Variants in PADI4 observed in about 807,000 individuals in gnomAD.
PADI4 encodes the protein protein-arginine deiminase type-4.
PADI4 carries 62 observed loss-of-function variants against 75.0 expected under a neutral mutation model. That is an observed-to-expected ratio of 0.83 (90% CI 0.67 to 1.02). PADI4 has a LOEUF of 1.02. Among genes scored for constraint, PADI4 ranks in the 50% least tolerant of loss-of-function variants. The pLI is 0.00. For synonymous variants in PADI4, 361 were observed against 348.1 expected (o/e 1.04, Z -0.41); for missense variants, 845 against 850.5 (o/e 0.99, Z 0.08).
chr1:17,347,057 C>A lies in PADI4; in HGVS notation c.1048-884C>A, dbSNP rs556728937. Reference sequence around the variant, plus strand: ...GGTTCAAATGATTCTCCTGCCTCAGCCTCCTGAGTAGCTGTAATTACAGGC... The same window carrying A: ...GGTTCAAATGATTCTCCTGCCTCAGACTCCTGAGTAGCTGTAATTACAGGC... On this transcript the variant is annotated intron_variant, in intron 9 of 15. Coordinates refer to ENST00000375448, the MANE Select transcript of PADI4 (RefSeq NM_012387.3). Among the ~76,000 whole-genome samples the A allele has an allele frequency of 7.9e-5, 12 of 152,214 alleles. No homozygotes were observed. The East Asian group carries it at 2.1e-3, about 27-fold the overall frequency.
intron 2 of PADI4, 83 bp downstream of exon 2, chr1:17,331,232 G>A: frequency 8.2e-7 from 1 of 1,214,856 alleles, no homozygotes; most frequent in Non-Finnish European, 1.2e-6. Context: ...GTGATCCACA[G>A]CACCAGCCTG....
intron 2 of PADI4, among the ~76,000 whole-genome samples, chr1:17,333,629 C>A (rs1293226678): frequency 1.3e-5 from 2 of 151,872 alleles, no homozygotes; most frequent in South Asian, 4.2e-4. Flanking sequence ...GCCTCTTCTG[C>A]CCCATCTCCA....
intron 1 of PADI4, among the ~76,000 whole-genome samples, chr1:17,311,727 G>C (rs56024211): frequency 6.6e-6 from 1 of 151,874 alleles, no homozygotes; most frequent in Non-Finnish European, 1.5e-5. Context: ...GTGTTTCACC[G>C]TGTTAGCCAG....
chr1:17,352,081 G>A (rs1477979923), intron 10 of PADI4, among the ~76,000 whole-genome samples: 27 of 136,676 alleles, frequency 2.0e-4, no homozygotes, highest in Admixed American at 6.6e-4. Flanking sequence ...AAGAGAGGCA[G>A]TCAGGGAGGT....
chr1:17,336,934 C>G (rs556370464), intron 4 of PADI4, among the ~76,000 whole-genome samples: 1 of 152,184 alleles, frequency 6.6e-6, no homozygotes, highest in South Asian at 2.1e-4. Context: ...CGAAGGGAGG[C>G]GCCATCACTA....
At chr1:17,310,815 T>C (rs1192126136) in intron 1 of PADI4, among the ~76,000 whole-genome samples, 1 of 151,640 alleles carries the variant, frequency 6.6e-6, no homozygotes, top group Non-Finnish European at 1.5e-5. Flanking sequence ...ACAAAAAAAT[T>C]AGACGGGGCG....
chr1:17,318,398 C>G (rs1405440427), intron 1 of PADI4, among the ~76,000 whole-genome samples: 1 of 152,198 alleles, frequency 6.6e-6, no homozygotes, highest in African/African-American at 2.4e-5. Context: ...AGGTTAATGG[C>G]CACACAGAGA....
intron 1 of PADI4, among the ~76,000 whole-genome samples, chr1:17,329,556 T>C (rs1382235409): frequency 6.6e-6 from 1 of 152,112 alleles, no homozygotes; most frequent in African/African-American, 2.4e-5. Flanking sequence ...TGGATCATCA[T>C]AAGGGTCTTC....
intron 13 of PADI4, among the ~76,000 whole-genome samples, chr1:17,357,790 G>A (rs1385209594): frequency 2.6e-5 from 4 of 151,902 alleles, no homozygotes; most frequent in Non-Finnish European, 5.9e-5. Context: ...AATTAGCCGG[G>A]CGTGGTGGCG....
Position 17,331,115 on chromosome 1 carries a change from T to C in PADI4, c.239T>C (p.Met80Thr), listed in dbSNP as rs758736313. ...CCTGGGGTAGAGGTGACCCTGACGA[T>C]GAAAGTGGCCAGTGGTAGCACAGGC... ...LDPGVEVTLT[M>T]KVASGSTGDQ... is the part of the protein sequence containing the mutation. The change falls in exon 2 of 16, where the codon ATG becomes ACG. Residue 80 changes from methionine (M) to threonine (T), a missense_variant. Coordinates refer to ENST00000375448, the MANE Select transcript of PADI4 (RefSeq NM_012387.3). 6.2e-7 allele frequency: 1 copy of C among 1,611,900 alleles called. No individual in the cohort carries two copies. Among genetic ancestry groups the C allele is most frequent in the East Asian group, 2.2e-5 (1 of 44,712 alleles).
chr1:17,342,426 G>A (rs773247213), intron 8 of PADI4, 24 bp downstream of exon 8: 29 of 1,450,550 alleles, frequency 2.0e-5, no homozygotes, highest in South Asian at 2.3e-5. Flanking sequence ...GGGTGCTGGG[G>A]TGGGTCCAGA....
intron 1 of PADI4, among the ~76,000 whole-genome samples, chr1:17,316,155 A>G (rs906420529): frequency 1.6e-4 from 24 of 152,128 alleles, no homozygotes; most frequent in African/African-American, 5.3e-4. Flanking sequence ...ACACTTTGGG[A>G]GGCCAAGGTG....
intron 5 of PADI4, 145 bp downstream of exon 5, chr1:17,338,300 G>A (rs2074353886): frequency 1.6e-6 from 1 of 612,746 alleles, no homozygotes; most frequent in Non-Finnish European, 3.0e-6. Flanking sequence ...TGAAGCAATG[G>A]GCAAAGGCCC....
chr1:17,342,354 G>A lies in PADI4; in HGVS notation c.887G>A (p.Trp296Ter), dbSNP rs746703713. The change falls in exon 8 of 16, where the codon TGG becomes TAG. Residue 296 changes from tryptophan (W) to a stop codon, truncating the protein, a stop_gained. Coordinates refer to ENST00000375448, the MANE Select transcript of PADI4 (RefSeq NM_012387.3). LOFTEE classifies it high-confidence loss of function. ...AGCGTGGTCTTCCGCGTGGCGCCCT[G>A]GATCATGACCCCCAACACCCAGCCC... Reference protein sequence around the residue: ...QDSVVFRVAPWIMTPNTQPPQ... With the variant: ...QDSVVFRVAP 5.6e-6 allele frequency: 9 copies of A among 1,614,098 alleles called. No individual in the cohort carries two copies. Among genetic ancestry groups the A allele is most frequent in the Non-Finnish European group, 7.6e-6 (9 of 1,179,984 alleles).
chr1:17,335,310 A>G (rs1635594), intron 3 of PADI4, among the ~76,000 whole-genome samples: 102,571 of 152,028 alleles, frequency 0.67, 34,728 homozygotes, highest in Non-Finnish European at 0.7. Flanking sequence ...AATCCTTACA[A>G]CAATCCAGTG....
At chr1:17,329,046 T>C (rs1025932270) in intron 1 of PADI4, among the ~76,000 whole-genome samples, 4 of 139,184 alleles carry the variant, frequency 2.9e-5, no homozygotes, top group African/African-American at 7.4e-5. Flanking sequence ...TATTAAGATA[T>C]AATTTATTAA....
chr1:17,333,086 T>G (rs1026581674), intron 2 of PADI4, among the ~76,000 whole-genome samples: 13 of 152,262 alleles, frequency 8.5e-5, no homozygotes, highest in African/African-American at 3.1e-4. Context: ...AACAAAAAGT[T>G]TTCAGCCAGC....
At chr1:17,340,507 T>C (rs1006288655) in intron 6 of PADI4, among the ~76,000 whole-genome samples, 3 of 151,886 alleles carry the variant, frequency 2.0e-5, no homozygotes, top group African/African-American at 4.8e-5. Flanking sequence ...GGAAGGGCGT[T>C]CCAGGCAGAG....
intron 1 of PADI4, among the ~76,000 whole-genome samples, chr1:17,309,481 AG>A (rs1310790857): frequency 6.6e-6 from 1 of 151,874 alleles, no homozygotes; most frequent in Non-Finnish European, 1.5e-5. Flanking sequence ...CTCTTTGTTC[AG>A]GGCTCAGTCT....
Sources: allele counts gnomAD v4.1 joint callset (sites outside exome capture counted in the v4.1 genomes callset), GRCh38; gene constraint gnomAD v4.1.1; transcripts MANE v1.5; gene names NCBI Gene and HGNC (gene_info 2026-07-23, HGNC 2026-07-21).